Variants in MRPS27 observed in about 807,000 individuals in gnomAD.
MRPS27 encodes small ribosomal subunit protein mS27.
MRPS27 carries 43 observed loss-of-function variants against 48.9 expected under a neutral mutation model. The ratio of observed to expected loss-of-function variants is 0.88; its 90% confidence interval spans 0.69 to 1.13. The LOEUF (loss-of-function observed/expected upper bound fraction) is 1.13. Among genes scored for constraint, MRPS27 ranks in the 50% most tolerant of loss-of-function variants. The probability of loss-of-function intolerance (pLI) is 0.00; values close to 1 mark genes in which losing one functional copy is unlikely to be tolerated. For synonymous variants in MRPS27, 188 were observed against 171.9 expected (o/e 1.09, Z -0.73); for missense variants, 467 against 476.3 (o/e 0.98, Z 0.18).
At chr5:72,292,680 T>C (rs1330227380) in intron 4 of MRPS27, among the ~76,000 whole-genome samples, 2 of 152,182 alleles carry the variant, frequency 1.3e-5, no homozygotes, top group African/African-American at 4.8e-5. Flanking sequence ...CTTCTTTGGC[T>C]CTAGACTTTA....
At chr5:72,243,080 A>T (rs1055872245) in intron 4 of MRPS27, among the ~76,000 whole-genome samples, 3 of 152,208 alleles carry the variant, frequency 2.0e-5, no homozygotes, top group African/African-American at 7.2e-5. Context: ...GGCTTTACAG[A>T]TGGGAACCTC....
intron 4 of MRPS27, among the ~76,000 whole-genome samples, chr5:72,287,396 T>C (rs555088978): frequency 6.6e-6 from 1 of 152,262 alleles, no homozygotes; most frequent in African/African-American, 2.4e-5. Context: ...TCCCAGCACT[T>C]TGGGAGGCCG....
intron 4 of MRPS27, among the ~76,000 whole-genome samples, chr5:72,248,669 T>TA (rs36063387): frequency 0.19 from 13,450 of 69,970 alleles, 1,612 homozygotes; most frequent in East Asian, 0.34. Flanking sequence ...CATTTTCATT[T>TA]AAAAAAAAAA....
At chr5:72,281,454 C>T (rs778888370) in intron 4 of MRPS27, among the ~76,000 whole-genome samples, 15 of 152,098 alleles carry the variant, frequency 9.9e-5, no homozygotes, top group Non-Finnish European at 1.9e-4. Flanking sequence ...ATATTTTTGA[C>T]AGAAGACAAA....
Position 72,297,720 on chromosome 5 carries a change from G to T in MRPS27, c.152-18C>A. The T allele has an allele frequency of 6.6e-7, 1 of 1,510,062 alleles. No homozygotes were observed. The allele number at this position is 1,510,062 out of a possible 1,614,324, so 93.5% of individuals were successfully genotyped here. On this transcript the variant is annotated intron_variant, in intron 2 of 10. Transcript: ENST00000261413. ...AAGATCAGCTGTGAAGACAAAAAAA[G>T]AAAAAAAACCTTGTTAAAGATACAT...
chr5:72,233,292 A>G (rs1748111074), intron 6 of MRPS27, among the ~76,000 whole-genome samples: 1 of 152,142 alleles, frequency 6.6e-6, no homozygotes, highest in African/African-American at 2.4e-5. Context: ...AAGCCTGGAG[A>G]GCAGGCTTTA....
At chr5:72,272,233 C>T (rs1749267653) in intron 4 of MRPS27, among the ~76,000 whole-genome samples, 1 of 152,154 alleles carries the variant, frequency 6.6e-6, no homozygotes, top group South Asian at 2.1e-4. Context: ...GGGGAAGAGC[C>T]ATATCAGGCC....
intron 4 of MRPS27, among the ~76,000 whole-genome samples, chr5:72,267,073 G>T (rs898162540): frequency 1.3e-5 from 2 of 152,120 alleles, no homozygotes; most frequent in Non-Finnish European, 2.9e-5. Context: ...TGTATGAGGT[G>T]AGTGATTCCT....
intron 2 of MRPS27, among the ~76,000 whole-genome samples, chr5:72,304,364 G>T (rs1399558420): frequency 6.6e-6 from 1 of 152,156 alleles, no homozygotes; most frequent in South Asian, 2.1e-4. Flanking sequence ...TGGTAATCAT[G>T]AAATGATAAT....
At chr5:72,273,625 G>C (rs753630416) in intron 4 of MRPS27, among the ~76,000 whole-genome samples, 6 of 152,126 alleles carry the variant, frequency 3.9e-5, no homozygotes, top group Non-Finnish European at 8.8e-5. Flanking sequence ...GTGTCTAAAC[G>C]TATCTAAACA....
intron 5 of MRPS27, among the ~76,000 whole-genome samples, chr5:72,237,720 G>GA (rs1456082765): frequency 6.6e-6 from 1 of 152,070 alleles, no homozygotes; most frequent in Non-Finnish European, 1.5e-5. Context: ...AAACAGGCAA[G>GA]AAATCTAAGG....
chr5:72,269,433 A>C (rs1350291850), intron 4 of MRPS27, among the ~76,000 whole-genome samples: 1 of 152,254 alleles, frequency 6.6e-6, no homozygotes, highest in Admixed American at 6.5e-5. Context: ...TGTTAAACAT[A>C]GTTTGAGAAA....
chr5:72,305,053 G>A (rs943721473), intron 2 of MRPS27, among the ~76,000 whole-genome samples: 2 of 152,134 alleles, frequency 1.3e-5, no homozygotes, highest in African/African-American at 4.8e-5. Flanking sequence ...TGAATATACA[G>A]AAGGAAGTAT....
At chr5:72,286,785 T>C (rs879903355) in intron 4 of MRPS27, among the ~76,000 whole-genome samples, 1 of 152,232 alleles carries the variant, frequency 6.6e-6, no homozygotes, top group Admixed American at 6.5e-5. Context: ...CCTTTGCTGC[T>C]ACTGCTGGGA....
At chr5:72,256,524 T>C (rs1748811649) in intron 4 of MRPS27, among the ~76,000 whole-genome samples, 1 of 152,208 alleles carries the variant, frequency 6.6e-6, no homozygotes, top group South Asian at 2.1e-4. Flanking sequence ...CAAGAACACT[T>C]TGACAATTTC....
At chr5:72,266,711 T>A (rs148285041) in intron 4 of MRPS27, among the ~76,000 whole-genome samples, 4,710 of 151,996 alleles carry the variant, frequency 0.031, 103 homozygotes, top group Non-Finnish European at 0.048. Flanking sequence ...TACAAAAAAA[T>A]TAGCTGGGTG....
chr5:72,273,636 T>C (rs540196068), intron 4 of MRPS27, among the ~76,000 whole-genome samples: 47 of 152,278 alleles, frequency 3.1e-4, no homozygotes, highest in South Asian at 2.7e-3. Flanking sequence ...TATCTAAACA[T>C]AGAAAAGGTA....
At chr5:72,227,160 T>G (rs1338566378) in intron 8 of MRPS27, 2 of 152,264 alleles carry the variant, frequency 1.3e-5, no homozygotes, top group Non-Finnish European at 2.9e-5. Flanking sequence ...GCTTCTGATC[T>G]GATGGCTGCT....
rs540157145 is a variant in MRPS27, at chr5:72,232,380, G to A, written c.591+63C>T. 33 of 1,247,400 alleles carry A rather than the reference G, an allele frequency of 2.6e-5. No homozygotes were observed. The African/African-American group carries it at 4.8e-4, about 18-fold the overall frequency. 77.3% of individuals were successfully genotyped at this position (1,247,400 alleles called of 1,614,324 possible). ...CTGCAGACACCTTTTTCCAGCTTTTGAGAGCAAGCCCCTGCTTGCCTTTTC... is the reference window on the plus strand; with the variant it reads ...CTGCAGACACCTTTTTCCAGCTTTTAAGAGCAAGCCCCTGCTTGCCTTTTC... On this transcript the variant is annotated intron_variant, in intron 7 of 10. Coordinates refer to ENST00000261413, the MANE Select transcript of MRPS27 (RefSeq NM_015084.3).
Sources: gnomAD v4.1 joint callset for allele counts (sites outside exome capture counted in the v4.1 genomes callset) on GRCh38, gnomAD v4.1.1 for gene constraint, MANE v1.5 for transcripts, NCBI Gene and HGNC (gene_info 2026-07-23, HGNC 2026-07-21) for gene names.